Variants in DAB1 observed in about 807,000 individuals in gnomAD.
DAB1 encodes DAB adaptor protein 1.
In DAB1, 15 loss-of-function variants were observed where a neutral mutation model predicts 64.6. That is an observed-to-expected ratio of 0.23 (90% confidence interval 0.16 to 0.36). The LOEUF (loss-of-function observed/expected upper bound fraction) is 0.36, where lower values mean the gene tolerates loss of function less well. DAB1 is among the 10% of genes least tolerant of loss of function. DAB1 has a pLI of 1.00. For synonymous variants in DAB1, 235 were observed against 251.9 expected, an observed-to-expected ratio of 0.93 and a Z score of 0.64; for missense variants, 596 against 706.7, an observed-to-expected ratio of 0.84 and a Z score of 1.78.
chr1:58,540,209 T>C (rs1395714570), intron 1 of DAB1, among the ~76,000 whole-genome samples: 1 of 152,018 alleles, frequency 6.6e-6, no homozygotes, highest in East Asian at 1.9e-4. Flanking sequence ...AAAGCTGCTC[T>C]GGCCCCACCT....
chr1:57,342,641 C>T (rs1677690242), intron 1 of DAB1, among the ~76,000 whole-genome samples: 1 of 152,178 alleles, frequency 6.6e-6, no homozygotes, highest in Non-Finnish European at 1.5e-5. Flanking sequence ...AAGACGCGGA[C>T]CCTGGCAGTG....
chr1:57,308,919 C>T (rs544173422), intron 1 of DAB1, among the ~76,000 whole-genome samples: 13 of 152,246 alleles, frequency 8.5e-5, no homozygotes, highest in African/African-American at 2.9e-4. Context: ...AAAAAAAACT[C>T]GGATATCAGC....
chr1:57,164,297 ATTTG>A (rs1331463930), intron 2 of DAB1, among the ~76,000 whole-genome samples: 6 of 152,082 alleles, frequency 3.9e-5, no homozygotes, highest in African/African-American at 1.4e-4. Context: ...AATTTTGGGG[ATTTG>A]TTTATTTCTC....
chr1:58,036,958 C>G (rs1647053425), intron 5 of DAB1, among the ~76,000 whole-genome samples: 1 of 152,150 alleles, frequency 6.6e-6, no homozygotes. Context: ...TAGTTGACTT[C>G]TAGTCAATGG....
At chr1:57,751,576 T>C (rs887226391) in intron 6 of DAB1, among the ~76,000 whole-genome samples, 1 of 151,966 alleles carries the variant, frequency 6.6e-6, no homozygotes, top group African/African-American at 2.4e-5. Context: ...ATCAAAGGCT[T>C]AAAACCTGTT....
intron 2 of DAB1, among the ~76,000 whole-genome samples, chr1:57,211,267 T>C (rs1461723449): frequency 6.6e-6 from 1 of 152,144 alleles, no homozygotes; most frequent in East Asian, 1.9e-4. Context: ...AGCTGTAGCC[T>C]CCCAAGTACT....
chr1:57,228,010 T>C (rs1199423812), intron 2 of DAB1, among the ~76,000 whole-genome samples: 1 of 152,188 alleles, frequency 6.6e-6, no homozygotes, highest in East Asian at 1.9e-4. Context: ...CTGAAATAGA[T>C]GCAGCCATAG....
In DAB1 at chr1:57,600,343, A is replaced by T. The variant is rs1645562555; in HGVS notation, n.625+49249T>A. ...AATAACAGTCTAGAGAAAAATAAAA[A>T]ATCTCACCACTCCAGGGCGAGCAAG... is the stretch of plus-strand genomic sequence containing the variant. On this transcript the variant is annotated intron_variant and non_coding_transcript_variant, in intron 7 of 20. Coordinates refer to the DAB1 transcript ENST00000485760. Among the ~76,000 whole-genome samples, 3 of 152,172 alleles carry T rather than the reference A, an allele frequency of 2.0e-5. No individual in the cohort carries two copies. In the South Asian group the frequency reaches 6.2e-4, roughly 32 times the overall value.
At position 57,154,794 on chromosome 1, in the gene DAB1, A is replaced by T. The variant is rs553243093; in HGVS notation, c.68-9365T>A. 3.4e-3 allele frequency among the ~76,000 whole-genome samples: 512 copies of T among 152,312 alleles called. 4 individuals are homozygous for T. The highest frequency in any genetic ancestry group is 0.012 in the African/African-American group (501 of 41,574). On this transcript the variant is annotated intron_variant, in intron 2 of 14. Transcript: ENST00000371236. ...TTGATTTGCATTTCTCTGATGATCA[A>T]TGACATTGAGCACCTTTTCATATGC...
intron 4 of DAB1, among the ~76,000 whole-genome samples, chr1:58,313,020 G>A (rs550024776): frequency 3.9e-5 from 6 of 152,040 alleles, no homozygotes; most frequent in East Asian, 1.9e-4. Context: ...TTAACCCTTG[G>A]GGCCTATTCT....
intron 7 of DAB1, among the ~76,000 whole-genome samples, chr1:57,494,027 G>T (rs1240180549): frequency 6.6e-6 from 1 of 152,150 alleles, no homozygotes; most frequent in Non-Finnish European, 1.5e-5. Context: ...TCCAAAGTGC[G>T]TGTGGGGGTC....
intron 4 of DAB1, among the ~76,000 whole-genome samples, chr1:58,301,058 T>C (rs796111645): frequency 6.6e-6 from 1 of 152,134 alleles, no homozygotes; most frequent in African/African-American, 2.4e-5. Flanking sequence ...ATAGAGGGCC[T>C]CACCCTCCGT....
intron 4 of DAB1, among the ~76,000 whole-genome samples, chr1:58,336,103 T>C (rs927167585): frequency 6.6e-6 from 1 of 152,222 alleles, no homozygotes; most frequent in African/African-American, 2.4e-5. Context: ...TGTCTTTGTG[T>C]TTTCCACTGT....
intron 2 of DAB1, among the ~76,000 whole-genome samples, chr1:57,162,323 C>T (rs926713859): frequency 6.6e-6 from 1 of 152,148 alleles, no homozygotes; most frequent in Non-Finnish European, 1.5e-5. Flanking sequence ...AAAGAATGCC[C>T]GTAAGCTCTG....
intron 4 of DAB1, among the ~76,000 whole-genome samples, chr1:58,300,623 AGAGAGAGAGAGAGAGAGAGAGAGAGG>A: frequency 2.8e-5 from 1 of 35,404 alleles, no homozygotes; most frequent in Non-Finnish European, 7.7e-5. Flanking sequence ...AGAGAGAGAG[AGAGAGAGAGAGAGAGAGAGAGAGAGG>A]AAGGAAGGAA....
At chr1:57,974,759 T>TTTTATAC (rs1645879884) in intron 5 of DAB1, among the ~76,000 whole-genome samples, 1 of 152,178 alleles carries the variant, frequency 6.6e-6, no homozygotes, top group Non-Finnish European at 1.5e-5. Context: ...TACATTTATG[T>TTTTATAC]GTCCACTGTT....
At chr1:57,663,853 G>A (rs965131786) in intron 6 of DAB1, among the ~76,000 whole-genome samples, 2 of 152,166 alleles carry the variant, frequency 1.3e-5, no homozygotes, top group African/African-American at 2.4e-5. Context: ...ACCAAAGGCT[G>A]TAACTAGAAC....
At chr1:57,566,019 T>G (rs1277505459) in intron 7 of DAB1, among the ~76,000 whole-genome samples, 2 of 152,090 alleles carry the variant, frequency 1.3e-5, no homozygotes, top group Admixed American at 6.6e-5. Flanking sequence ...TGACCACATA[T>G]TTGGAAGTAA....
intron 1 of DAB1, among the ~76,000 whole-genome samples, chr1:57,315,313 T>A (rs267642): frequency 1.3e-5 from 2 of 152,144 alleles, no homozygotes; most frequent in African/African-American, 4.8e-5. Context: ...GTTTGCTCAT[T>A]GTCTATCTTA....
Sources: allele counts gnomAD v4.1 joint callset (sites outside exome capture counted in the v4.1 genomes callset), GRCh38; gene constraint gnomAD v4.1.1; transcripts MANE v1.5; gene names NCBI Gene and HGNC (gene_info 2026-07-23, HGNC 2026-07-21).